SHISA9: variants seen among roughly 807,000 people sequenced by gnomAD.
SHISA9 encodes shisa family member 9, also known as protein shisa-9.
SHISA9 carries 13 observed loss-of-function variants against 38.0 expected under a neutral mutation model. The observed-to-expected ratio is 0.34, with a 90% CI of 0.22 to 0.54. The LOEUF (loss-of-function observed/expected upper bound fraction) is 0.54, where lower values mean the gene tolerates loss of function less well. SHISA9 is among the 20% of genes least tolerant of loss of function. The pLI is 0.91. For synonymous variants in SHISA9, 275 were observed against 242.0 expected, an observed-to-expected ratio of 1.14 and a Z score of -1.27; for missense variants, 538 against 575.8, an observed-to-expected ratio of 0.93 and a Z score of 0.67.
chr16:13,555,651 G>A, the SHISA9 span, among the ~76,000 whole-genome samples: 1 of 151,806 alleles, frequency 6.6e-6, no homozygotes. Flanking sequence ...CAAAGTGCAA[G>A]CAAACATACT....
intron 2 of SHISA9, among the ~76,000 whole-genome samples, chr16:13,165,392 T>C (rs1311134997): frequency 2.0e-5 from 3 of 152,358 alleles, no homozygotes; most frequent in African/African-American, 7.2e-5. Context: ...ATATTTCTTT[T>C]ATCTTATATA....
At position 13,002,654 on chromosome 16, in the gene SHISA9, T is replaced by A. The variant is rs187593020; in HGVS notation, c.691+85839T>A. The stretch of plus-strand genomic sequence containing the variant: ...CTCAAGCAATTCTCCTGCCTCACCC[T>A]CCTGAGTAGCTGGGATTACAGATGC... On this transcript the variant is annotated intron_variant, in intron 2 of 4. Transcript: ENST00000558583. 2.6e-3 allele frequency among the ~76,000 whole-genome samples: 396 copies of A among 149,638 alleles called. 1 individual carries two copies. The highest frequency in any genetic ancestry group is 9.4e-3 in the African/African-American group (384 of 40,682).
Position 13,035,971 on chromosome 16 carries a change from TG to T in SHISA9, c.691+119158del, listed in dbSNP as rs371563038. On this transcript the variant is annotated intron_variant, in intron 2 of 4. Transcript: ENST00000558583. Reference sequence around the variant, plus strand: ...CACAATAAGATACCACCCATTAGAATGGCTAAAATGAAAAAGATTGATGATA... The same window carrying T: ...CACAATAAGATACCACCCATTAGAATGCTAAAATGAAAAAGATTGATGATA... 1.2e-4 allele frequency among the ~76,000 whole-genome samples: 18 copies of T among 152,266 alleles called. No homozygotes were observed. In the East Asian group the frequency reaches 3.3e-3, roughly 28 times the overall value.
intron 2 of SHISA9, among the ~76,000 whole-genome samples, chr16:13,093,906 T>G (rs143584657): frequency 2.0e-5 from 3 of 152,112 alleles, no homozygotes; most frequent in African/African-American, 7.2e-5. Flanking sequence ...AGGATTTAAA[T>G]AGGTGTGGCT....
chr16:13,265,824 A>G, the SHISA9 span, among the ~76,000 whole-genome samples: 5 of 152,220 alleles, frequency 3.3e-5, no homozygotes, highest in East Asian at 9.7e-4. Context: ...TAACTGGAAA[A>G]AAAAAACAAG....
At chr16:12,921,133 T>A (rs983140115) in intron 2 of SHISA9, among the ~76,000 whole-genome samples, 9 of 152,250 alleles carry the variant, frequency 5.9e-5, no homozygotes, top group African/African-American at 2.2e-4. Context: ...CCATATACCC[T>A]TACAACCACT....
intron 2 of SHISA9, among the ~76,000 whole-genome samples, chr16:12,952,417 T>A (rs996240025): frequency 6.6e-6 from 1 of 152,210 alleles, no homozygotes; most frequent in African/African-American, 2.4e-5. Context: ...TATCCATTGA[T>A]ATATTGGGAT....
intron 2 of SHISA9, among the ~76,000 whole-genome samples, chr16:13,102,027 G>T (rs2073883657): frequency 6.6e-6 from 1 of 152,160 alleles, no homozygotes; most frequent in African/African-American, 2.4e-5. Context: ...GCAGGTGCAG[G>T]TGTGTGCTCC....
the SHISA9 span, among the ~76,000 whole-genome samples, chr16:13,559,973 GT>G: frequency 6.6e-6 from 1 of 152,172 alleles, no homozygotes; most frequent in Non-Finnish European, 1.5e-5. Flanking sequence ...GAGGAACTCT[GT>G]TTATCAGTCA....
chr16:13,388,583 A>G, the SHISA9 span, among the ~76,000 whole-genome samples: 1 of 152,096 alleles, frequency 6.6e-6, no homozygotes, highest in Non-Finnish European at 1.5e-5. Context: ...GATTACAGAC[A>G]TGAGCCACTG....
Position 12,902,091 on chromosome 16 carries a change from C to T in SHISA9, c.27C>T (p.Leu9=). 2 of 1,494,200 alleles carry T rather than the reference C, an allele frequency of 1.3e-6. No homozygotes were observed. The highest frequency in any genetic ancestry group is 1.8e-6 in the Non-Finnish European group (2 of 1,130,588). 92.6% of individuals were successfully genotyped at this position (1,494,200 alleles called of 1,614,324 possible). Residue 9 remains leucine, a synonymous_variant, in exon 1 of 5, where the codon CTC becomes CTT. Coordinates refer to ENST00000558583, the MANE Select transcript of SHISA9 (RefSeq NM_001145204.3). ...TGCGCCGCGTCCTTCGGCTGCTCCT[C>T]GGTTGCTTCCTCACCGAGCTGTGCG... MRRVLRLL[L]GCFLTELCAR...
At chr16:13,302,907 C>A in the SHISA9 span, among the ~76,000 whole-genome samples, 1 of 152,056 alleles carries the variant, frequency 6.6e-6, no homozygotes, top group Non-Finnish European at 1.5e-5. Flanking sequence ...TGGGCTCTTC[C>A]CCCTTTACAC....
At chr16:13,356,057 G>A in the SHISA9 span, among the ~76,000 whole-genome samples, 1 of 152,206 alleles carries the variant, frequency 6.6e-6, no homozygotes, top group Non-Finnish European at 1.5e-5. Flanking sequence ...GGAGGTTCTG[G>A]AGGAACACCT....
chr16:13,137,083 C>T (rs536788847), intron 2 of SHISA9, among the ~76,000 whole-genome samples: 22 of 152,306 alleles, frequency 1.4e-4, no homozygotes, highest in African/African-American at 5.1e-4. Flanking sequence ...AGAATGTATC[C>T]TTTCCCTTTC....
the SHISA9 span, among the ~76,000 whole-genome samples, chr16:13,390,124 CT>C: frequency 1.7e-3 from 253 of 149,166 alleles, no homozygotes; most frequent in Middle Eastern, 3.4e-3. Context: ...TTTTTCTAAC[CT>C]TTTTTTTTTT....
chr16:13,493,201 T>A, the SHISA9 span, among the ~76,000 whole-genome samples: 11 of 149,464 alleles, frequency 7.4e-5, no homozygotes, highest in East Asian at 2.2e-3. Context: ...CAATGAAGTG[T>A]TTCAGAAATG....
chr16:13,484,848 C>T, the SHISA9 span, among the ~76,000 whole-genome samples: 1 of 152,106 alleles, frequency 6.6e-6, no homozygotes, highest in African/African-American at 2.4e-5. Context: ...AGAACAGCAG[C>T]AAGGGGGACG....
At chr16:13,110,843 A>G (rs4781413) in intron 2 of SHISA9, among the ~76,000 whole-genome samples, 11,572 of 152,282 alleles carry the variant, frequency 0.076, 618 homozygotes, top group Admixed American at 0.15. Context: ...ACAGATGCCA[A>G]TGTTACTTGG....
chr16:13,166,078 TG>T (rs2050633122), intron 2 of SHISA9, among the ~76,000 whole-genome samples: 2 of 152,216 alleles, frequency 1.3e-5, no homozygotes, highest in Admixed American at 1.3e-4. Context: ...AGATTAGTCT[TG>T]GCATTTGATA....
Sources: allele counts gnomAD v4.1 joint callset (sites outside exome capture counted in the v4.1 genomes callset), GRCh38; gene constraint gnomAD v4.1.1; transcripts MANE v1.5; gene names NCBI Gene and HGNC (gene_info 2026-07-23, HGNC 2026-07-21).